Variants in KCNA3 observed in about 807,000 individuals in gnomAD.
KCNA3 encodes RP11-284N8.3.
In KCNA3, 18 loss-of-function variants were observed where a neutral mutation model predicts 34.3. That is an observed-to-expected ratio of 0.52 (90% confidence interval 0.36 to 0.78). KCNA3 has a LOEUF of 0.78. KCNA3 is among the 30% of genes least tolerant of loss of function. KCNA3 has a pLI of 0.00. For missense variants in KCNA3, 587 were observed against 802.5 expected (o/e 0.73, Z 3.24); for synonymous variants, 324 against 351.7 (o/e 0.92, Z 0.88).
At chr1:110,669,775 G>A (rs1318749071), downstream of KCNA3, among the ~76,000 whole-genome samples, 7 of 152,094 alleles carry the variant, frequency 4.6e-5, no homozygotes, top group South Asian at 2.1e-4. Flanking sequence ...CTTACCTTGC[G>A]GAGTTGACAA....
downstream of KCNA3, among the ~76,000 whole-genome samples, chr1:110,668,791 C>T (rs1053191055): frequency 6.6e-6 from 1 of 152,144 alleles, no homozygotes; most frequent in South Asian, 2.1e-4. Flanking sequence ...TCCAGTCACA[C>T]CTCCTCACAT....
chr1:110,661,884 G>A, the KCNA3 span, among the ~76,000 whole-genome samples: 1 of 151,950 alleles, frequency 6.6e-6, no homozygotes, highest in South Asian at 2.1e-4. Context: ...CAACGCGGGC[G>A]GATCACGAGG....
At chr1:110,662,138 T>TAAAG in the KCNA3 span, among the ~76,000 whole-genome samples, 2 of 37,970 alleles carry the variant, frequency 5.3e-5, no homozygotes, top group African/African-American at 1.6e-4. Flanking sequence ...AAAAAAAAAT[T>TAAAG]CAGAATGTCT....
chr1:110,662,635 A>G, the KCNA3 span, among the ~76,000 whole-genome samples: 1 of 152,170 alleles, frequency 6.6e-6, no homozygotes, highest in Admixed American at 6.5e-5. Context: ...TCTCTGATTG[A>G]GGTCTTGAAA....
chr1:110,662,890 C>G, the KCNA3 span, among the ~76,000 whole-genome samples: 2 of 152,282 alleles, frequency 1.3e-5, no homozygotes, highest in East Asian at 3.9e-4. Flanking sequence ...GATCTACAGA[C>G]TCTAGGTATA....
chr1:110,660,416 A>AT, the KCNA3 span, among the ~76,000 whole-genome samples: 6,053 of 151,968 alleles, frequency 0.04, 182 homozygotes, highest in Non-Finnish European at 0.067. Context: ...ATTTCCAAGG[A>AT]TTTTTTTTCC....
chr1:110,654,828 T>C, the KCNA3 span: 1 of 152,114 alleles, frequency 6.6e-6, no homozygotes, highest in Admixed American at 6.6e-5. Flanking sequence ...TTTAGAGCCA[T>C]TTATTGGCCA....
the KCNA3 span, among the ~76,000 whole-genome samples, chr1:110,664,355 A>G: frequency 6.6e-6 from 1 of 152,208 alleles, no homozygotes; most frequent in Non-Finnish European, 1.5e-5. Context: ...TATCTCATAT[A>G]AGGTAACAGT....
chr1:110,660,959 T>C, the KCNA3 span, among the ~76,000 whole-genome samples: 1 of 152,178 alleles, frequency 6.6e-6, no homozygotes, highest in African/African-American at 2.4e-5. Context: ...AGTAAATACA[T>C]GTTGAATACA....
chr1:110,660,530 C>G, the KCNA3 span, among the ~76,000 whole-genome samples: 2 of 151,888 alleles, frequency 1.3e-5, no homozygotes, highest in African/African-American at 2.4e-5. Context: ...GAGAGAGAGA[C>G]AAGACACCAA....
the KCNA3 span, chr1:110,655,111 C>T: frequency 6.6e-6 from 1 of 151,944 alleles, no homozygotes; most frequent in African/African-American, 2.4e-5. Flanking sequence ...CTTAGAAATA[C>T]TACATACACT....
chr1:110,658,737 G>C, the KCNA3 span, among the ~76,000 whole-genome samples: 1 of 151,940 alleles, frequency 6.6e-6, no homozygotes, highest in African/African-American at 2.4e-5. Context: ...ATATCTTTAA[G>C]AATGTGCTTT....
chr1:110,673,751 A>G lies in KCNA3; in HGVS notation c.1059T>C (p.Asn353=). ...TGGCCAGAGACATGGCCTGCTGTCC[A>G]TTGCCCTGTCGTTCGGCCAGCTCGG... The part of the protein sequence containing the change: ...LGTELAERQG[N]GQQAMSLAIL... The change falls in exon 1 of 1, where the codon AAT becomes AAC. Residue 353 remains asparagine (N), a synonymous_variant. Coordinates refer to ENST00000369769, the MANE Select transcript of KCNA3 (RefSeq NM_002232.5). This position sits in a 1 kb window ranked among gnomAD's most constrained non-coding sequence, Gnocchi z 8.8. 1.2e-6 allele frequency: 2 copies of G among 1,614,152 alleles called. No homozygotes were observed. The highest frequency in any genetic ancestry group is 1.7e-6 in the Non-Finnish European group (2 of 1,180,032).
rs892052111 is a variant in KCNA3, at chr1:110,674,506, A to C, written c.304T>G (p.Cys102Gly). 1.2e-6 allele frequency: 2 copies of C among 1,612,512 alleles called. No individual in the cohort carries two copies. The highest frequency in any genetic ancestry group is 1.7e-6 in the Non-Finnish European group (2 of 1,179,556). ...ATGTTGATGACCACGCGCTCCCCGC[A>C]GCAGTCCTGCTCGCCCGCGGCCGGC... ...SLPAAGEQDCCGERVVINISG... is the reference protein window; with the variant it reads ...SLPAAGEQDCGGERVVINISG... The change falls in exon 1 of 1, where the codon TGC becomes GGC. Residue 102 changes from cysteine to glycine, a missense_variant. Coordinates refer to ENST00000369769, the MANE Select transcript of KCNA3 (RefSeq NM_002232.5). The surrounding 1 kb of genome is among the most constrained non-coding windows in gnomAD (Gnocchi z 6.4).
rs1239911418 is a variant in KCNA3, at chr1:110,674,628, A to G, written c.182T>C (p.Leu61Pro). ...PDMTVVPGDH[L>P]LEPEVADGGG... ...ACCATCGGCCACCTCCGGCTCCAGC[A>G]GGTGGTCCCCGGGCACCACGGTCAT... The change falls in exon 1 of 1, where the codon CTG (leucine) becomes CCG (proline). Residue 61 changes from leucine to proline, a missense_variant. Leu to Pro is a moderately conservative substitution (Grantham distance 98). Transcript: ENST00000369769. This position sits in a 1 kb window ranked among gnomAD's most constrained non-coding sequence, Gnocchi z 6.4. 4.5e-6 allele frequency: 7 copies of G among 1,553,838 alleles called. No homozygotes were observed. The highest frequency in any genetic ancestry group is 6.0e-6 in the Non-Finnish European group (7 of 1,159,928).
At chr1:110,659,847 A>T in the KCNA3 span, among the ~76,000 whole-genome samples, 3 of 146,812 alleles carry the variant, frequency 2.0e-5, no homozygotes, top group African/African-American at 7.5e-5. Context: ...AGAAAACCAA[A>T]CACCGCATGT....
the KCNA3 span, among the ~76,000 whole-genome samples, chr1:110,660,793 A>G: frequency 6.6e-6 from 1 of 152,198 alleles, no homozygotes; most frequent in Non-Finnish European, 1.5e-5. Context: ...ATAGCAAAAT[A>G]TTTCTTAAGA....
chr1:110,671,461 TCA>T (rs1651888551), downstream of KCNA3, among the ~76,000 whole-genome samples: 1 of 152,238 alleles, frequency 6.6e-6, no homozygotes, highest in African/African-American at 2.4e-5. Context: ...TCCCAGTAGA[TCA>T]CAGAGTGCTC....
In KCNA3 at chr1:110,673,613, T is replaced by C. The variant is rs771998141; in HGVS notation, c.1197A>G (p.Gly399=). ...CAATAAAGAGGAAGAAGATGAGCAATCCCAGCTCCCGCATGGACGCCTTCA... is the reference window on the plus strand; with the variant it reads ...CAATAAAGAGGAAGAAGATGAGCAACCCCAGCTCCCGCATGGACGCCTTCA... ...QTLKASMREL[G]LLIFFLFIGV... Residue 399 remains glycine (G), a synonymous_variant, in exon 1 of 1, where the codon GGA becomes GGG. Coordinates refer to ENST00000369769, the MANE Select transcript of KCNA3 (RefSeq NM_002232.5). This position sits in a 1 kb window ranked among gnomAD's most constrained non-coding sequence, Gnocchi z 8.8. The C allele has an allele frequency of 6.8e-6, 11 of 1,614,100 alleles. No individual in the cohort carries two copies. The South Asian group carries it at 1.2e-4, about 18-fold the overall frequency.
Sources: gnomAD v4.1 joint callset for allele counts (sites outside exome capture counted in the v4.1 genomes callset) on GRCh38, gnomAD v4.1.1 for gene constraint, Gnocchi (gnomAD v3.1) non-coding constraint, MANE v1.5 for transcripts, NCBI Gene and HGNC (gene_info 2026-07-23, HGNC 2026-07-21) for gene names.